The following CNTN6 variants were observed in gnomAD, a reference collection of about 807,000 sequenced individuals.
The protein encoded by CNTN6 is contactin-6.
CNTN6 carries 137 observed loss-of-function variants against 122.8 expected under a neutral mutation model. That is an observed-to-expected ratio of 1.12 (90% confidence interval 0.97 to 1.29). The LOEUF is 1.29. Among genes scored for constraint, CNTN6 ranks in the 50% most tolerant of loss-of-function variants. The probability of loss-of-function intolerance (pLI) is 0.00; values close to 1 mark genes in which losing one functional copy is unlikely to be tolerated. For missense variants in CNTN6, 1,634 were observed against 1,223.4 expected, an observed-to-expected ratio of 1.34 and a Z score of -5.01; for synonymous variants, 570 against 426.0, an observed-to-expected ratio of 1.34 and a Z score of -4.16.
At chr3:1,119,322 CGTGT>C (rs369235352) in intron 1 of CNTN6, among the ~76,000 whole-genome samples, 8 of 126,548 alleles carry the variant, frequency 6.3e-5, no homozygotes, top group South Asian at 5.7e-4. Flanking sequence ...ACAGAAAAAT[CGTGT>C]GTGTGTGTGT....
At chr3:1,112,743 T>A (rs1161568130) in intron 1 of CNTN6, among the ~76,000 whole-genome samples, 1 of 152,068 alleles carries the variant, frequency 6.6e-6, no homozygotes, top group Non-Finnish European at 1.5e-5. Context: ...ATCAGATTGA[T>A]CCCTAAAATT....
intron 17 of CNTN6, among the ~76,000 whole-genome samples, chr3:1,377,280 T>C (rs756317107): frequency 5.3e-5 from 8 of 152,120 alleles, no homozygotes; most frequent in African/African-American, 7.2e-5. Flanking sequence ...TCAGCACAAT[T>C]TTCTCCCAAA....
chr3:1,268,538 A>T (rs112145871), intron 4 of CNTN6, among the ~76,000 whole-genome samples: 17 of 141,870 alleles, frequency 1.2e-4, no homozygotes, highest in South Asian at 2.3e-4. Flanking sequence ...ACCCGGGAGG[A>T]GGAGCTTGCA....
Position 1,258,958 on chromosome 3 carries a change from A to G in CNTN6, c.359-19455A>G, listed in dbSNP as rs541097715. 9.2e-5 allele frequency among the ~76,000 whole-genome samples: 14 copies of G among 152,234 alleles called. 1 individual carries two copies. Among genetic ancestry groups the G allele is most frequent in the African/African-American group, 3.4e-4 (14 of 41,562 alleles). On this transcript the variant is annotated intron_variant, in intron 4 of 22. Coordinates refer to ENST00000446702, the MANE Select transcript of CNTN6 (RefSeq NM_001289080.2). Reference sequence around the variant, plus strand: ...GTAAATATGTTTGATTTTCCGGCCAATGTCTCTGCTGTTATTGGGTGAAAG... The same window carrying G: ...GTAAATATGTTTGATTTTCCGGCCAGTGTCTCTGCTGTTATTGGGTGAAAG...
At chr3:1,202,472 C>T (rs909003546) in intron 2 of CNTN6, among the ~76,000 whole-genome samples, 2 of 151,878 alleles carry the variant, frequency 1.3e-5, no homozygotes, top group Admixed American at 6.6e-5. Context: ...CCCCGGGGGG[C>T]GGAGCTTGCA....
At chr3:1,337,779 A>G (rs1703276470) in intron 11 of CNTN6, among the ~76,000 whole-genome samples, 1 of 152,102 alleles carries the variant, frequency 6.6e-6, no homozygotes, top group Non-Finnish European at 1.5e-5. Flanking sequence ...AAGGGAATAC[A>G]TGTTGGAGAT....
intron 12 of CNTN6, among the ~76,000 whole-genome samples, chr3:1,359,427 C>A (rs747508984): frequency 2.6e-5 from 4 of 152,042 alleles, no homozygotes; most frequent in Non-Finnish European, 5.9e-5. Context: ...TTTCTCTAGA[C>A]TGGTTTTTCA....
At chr3:1,268,080 A>G (rs1367945414) in intron 4 of CNTN6, among the ~76,000 whole-genome samples, 2 of 152,204 alleles carry the variant, frequency 1.3e-5, no homozygotes, top group Non-Finnish European at 2.9e-5. Flanking sequence ...ATTGACTACA[A>G]AGGTTTTGGC....
intron 4 of CNTN6, among the ~76,000 whole-genome samples, chr3:1,247,197 A>C (rs761362697): frequency 6.6e-6 from 1 of 152,112 alleles, no homozygotes; most frequent in Non-Finnish European, 1.5e-5. Context: ...TTCATGGTGT[A>C]AAATTGGTTC....
intron 16 of CNTN6, 110 bp downstream of exon 16, chr3:1,374,183 G>T: frequency 9.0e-7 from 1 of 1,109,852 alleles, no homozygotes; most frequent in Non-Finnish European, 1.2e-6. Flanking sequence ...AAAATTGTTT[G>T]GCAGTAAACG....
intron 4 of CNTN6, among the ~76,000 whole-genome samples, chr3:1,237,711 A>ACCT (rs961320095): frequency 6.6e-6 from 1 of 152,210 alleles, no homozygotes; most frequent in African/African-American, 2.4e-5. Context: ...CTTAGCAGGA[A>ACCT]CCCTACAAGC....
intron 1 of CNTN6, among the ~76,000 whole-genome samples, chr3:1,100,848 T>G (rs533559096): frequency 6.6e-6 from 1 of 152,272 alleles, no homozygotes; most frequent in South Asian, 2.1e-4. Flanking sequence ...TTCAGTAAGT[T>G]TATTTTAGAT....
chr3:1,359,094 A>G (rs772099595), intron 12 of CNTN6, among the ~76,000 whole-genome samples: 4 of 152,032 alleles, frequency 2.6e-5, no homozygotes, highest in Non-Finnish European at 4.4e-5. Flanking sequence ...CTTCTATTGT[A>G]TAATTCGCTA....
intron 1 of CNTN6, among the ~76,000 whole-genome samples, chr3:1,112,574 C>T (rs146998022): frequency 0.012 from 1,797 of 152,196 alleles, 25 homozygotes; most frequent in African/African-American, 0.041. Flanking sequence ...TGTTTTTGTT[C>T]CATCCAGGCC....
At chr3:1,296,100 G>A (rs994408381) in intron 6 of CNTN6, among the ~76,000 whole-genome samples, 4 of 152,108 alleles carry the variant, frequency 2.6e-5, no homozygotes, top group Non-Finnish European at 4.4e-5. Flanking sequence ...GGGAGTTGGC[G>A]TGTGTGTATG....
intron 17 of CNTN6, among the ~76,000 whole-genome samples, chr3:1,380,787 T>C (rs1359808951): frequency 6.6e-6 from 1 of 152,202 alleles, no homozygotes; most frequent in Non-Finnish European, 1.5e-5. Context: ...TAGAAGTACA[T>C]AGTTTTGCTG....
chr3:1,158,763 TAC>T lies in CNTN6; in HGVS notation c.55+10706_55+10707del, dbSNP rs1310570346. Among the ~76,000 whole-genome samples the T allele has an allele frequency of 3.0e-3, 281 of 92,738 alleles. 4 individuals are homozygous for T. The highest frequency in any genetic ancestry group is 0.017 in the East Asian group (33 of 1,940). The allele number at this position is 92,738 out of a possible 152,430, so 60.8% of individuals were successfully genotyped here. ...AATTTTATATATATATACATATATA[TAC>T]ACACATATATATGTGTGTATATATG... is the stretch of plus-strand genomic sequence containing the variant. On this transcript the variant is annotated intron_variant, in intron 2 of 22. Coordinates refer to ENST00000446702, the MANE Select transcript of CNTN6 (RefSeq NM_001289080.2).
intron 2 of CNTN6, among the ~76,000 whole-genome samples, chr3:1,212,734 C>T (rs1429285426): frequency 6.6e-6 from 1 of 151,828 alleles, no homozygotes; most frequent in Non-Finnish European, 1.5e-5. Context: ...TTCAGCTGTT[C>T]CTATACAGAA....
At chr3:1,257,737 G>A (rs745947676) in intron 4 of CNTN6, among the ~76,000 whole-genome samples, 29 of 152,142 alleles carry the variant, frequency 1.9e-4, no homozygotes, top group Non-Finnish European at 2.8e-4. Context: ...AACACTAGCT[G>A]GTGAGAGCGA....
Sources: allele counts gnomAD v4.1 joint callset (sites outside exome capture counted in the v4.1 genomes callset), GRCh38; gene constraint gnomAD v4.1.1; transcripts MANE v1.5; gene names NCBI Gene and HGNC (gene_info 2026-07-23, HGNC 2026-07-21).